HOPX: variants seen among roughly 807,000 people sequenced by gnomAD.
HOPX encodes the protein homeodomain-only protein.
In HOPX, 5 loss-of-function variants were observed where a neutral mutation model predicts 11.8. The observed-to-expected ratio is 0.43, with a 90% CI of 0.22 to 0.89. The LOEUF (loss-of-function observed/expected upper bound fraction) is 0.89. Ranked by LOEUF, HOPX falls within the 40% of genes least tolerant of loss-of-function variation. HOPX has a pLI of 0.28. For missense variants in HOPX, 119 were observed against 120.0 expected (o/e 0.99, Z 0.04); for synonymous variants, 49 against 49.7 (o/e 0.99, Z 0.06).
rs1716838376 is a variant in HOPX, at chr4:56,648,219, G to A, written c.*501C>T. The stretch of plus-strand genomic sequence containing the variant: ...TAATGCAGCTATATTCCAAGGAAGT[G>A]TTTTATGAAATCTGAATACTCAAAC... On this transcript the variant is annotated 3_prime_UTR_variant, in exon 4 of 4. Coordinates refer to ENST00000420433, the MANE Select transcript of HOPX (RefSeq NM_032495.6). 6.6e-6 allele frequency: 1 copy of A among 152,296 alleles called. No homozygotes were observed. Among genetic ancestry groups the A allele is most frequent in the Non-Finnish European group, 1.5e-5 (1 of 68,158 alleles). The allele number at this position is 152,296 out of a possible 1,614,324, so 9.4% of individuals were successfully genotyped here.
intron 1 of HOPX, chr4:56,665,669 G>A (rs1312606916): frequency 1.3e-5 from 2 of 152,278 alleles, no homozygotes; most frequent in South Asian, 2.1e-4. Context: ...GCCAGGTCCT[G>A]TCTAAGTGCC....
At chr4:56,658,459 G>T (rs117183594) in intron 1 of HOPX, among the ~76,000 whole-genome samples, 1 of 152,176 alleles carries the variant, frequency 6.6e-6, no homozygotes, top group Admixed American at 6.6e-5. Context: ...ATTTGAAAGC[G>T]CCTACTTCTC....
At chr4:56,663,451 G>C (rs1210052004) in intron 1 of HOPX, 1 of 152,106 alleles carries the variant, frequency 6.6e-6, no homozygotes, top group African/African-American at 2.4e-5. Context: ...ACGAAGTGCT[G>C]CCTTTTGAAA....
At chr4:56,672,474 G>A (rs959579986) in intron 1 of HOPX, among the ~76,000 whole-genome samples, 1 of 151,842 alleles carries the variant, frequency 6.6e-6, no homozygotes, top group African/African-American at 2.4e-5. Context: ...GAGAAGTGGA[G>A]GTTGCAGTGA....
At chr4:56,679,894 ATTTCAAGC>A (rs903055261) in intron 1 of HOPX, 1 of 152,182 alleles carries the variant, frequency 6.6e-6, no homozygotes, top group Admixed American at 6.5e-5. Flanking sequence ...TGGACTTTAG[ATTTCAAGC>A]TCTTTGAGAA....
At chr4:56,655,043 C>T (rs1052392035) in intron 3 of HOPX, among the ~76,000 whole-genome samples, 1 of 152,078 alleles carries the variant, frequency 6.6e-6, no homozygotes, top group Admixed American at 6.6e-5. Context: ...AACCACAGGC[C>T]GTGTTGCATT....
intron 1 of HOPX, among the ~76,000 whole-genome samples, chr4:56,669,411 C>G (rs775443513): frequency 6.6e-6 from 1 of 152,148 alleles, no homozygotes; most frequent in Non-Finnish European, 1.5e-5. Flanking sequence ...TTAATAATTA[C>G]ACCAGGGGAG....
chr4:56,657,726 C>G, intron 2 of HOPX, 49 bp downstream of exon 2: 1 of 799,394 alleles, frequency 1.3e-6, no homozygotes, highest in Middle Eastern at 2.2e-4. Flanking sequence ...ACCCATTGCC[C>G]GTACCTTTGA....
At chr4:56,659,067 T>C (rs1179493769) in intron 1 of HOPX, 1 of 152,250 alleles carries the variant, frequency 6.6e-6, no homozygotes, top group Non-Finnish European at 1.5e-5. Flanking sequence ...TGGAAATCTT[T>C]GGTTACCTCT....
At chr4:56,652,054 A>T (rs1320707995) in intron 3 of HOPX, among the ~76,000 whole-genome samples, 2 of 152,196 alleles carry the variant, frequency 1.3e-5, no homozygotes, top group Non-Finnish European at 2.9e-5. Flanking sequence ...ATTTAAATCT[A>T]GGAGATATTT....
At chr4:56,664,216 C>T (rs1054465066) in intron 1 of HOPX, 5 of 151,884 alleles carry the variant, frequency 3.3e-5, no homozygotes, top group Admixed American at 1.3e-4. Context: ...CCAAAACTTC[C>T]ACCTCCCAGG....
chr4:56,650,906 G>T lies in HOPX; in HGVS notation c.199-2109C>A, dbSNP rs368710873. 2.4e-6 allele frequency: 3 copies of T among 1,231,362 alleles called. No individual in the cohort carries two copies. The East Asian group carries it at 7.7e-5, about 32-fold the overall frequency. 76.3% of individuals were successfully genotyped at this position (1,231,362 alleles called of 1,614,324 possible). A position where few individuals can be genotyped will look rare whatever the true frequency, so the allele number is the denominator to read the frequency against. ...CCATTTTCTTCTGTAACCTGTGTGC[G>T]TGTGTTTAGTTAACTCTGGATTCTG... On this transcript the variant is annotated intron_variant, in intron 3 of 3. Coordinates refer to ENST00000420433, the MANE Select transcript of HOPX (RefSeq NM_032495.6).
At chr4:56,652,843 G>C (rs1442364803) in intron 3 of HOPX, among the ~76,000 whole-genome samples, 1 of 151,922 alleles carries the variant, frequency 6.6e-6, no homozygotes, top group East Asian at 1.9e-4. Flanking sequence ...AAGAAAGAAA[G>C]AAAGAAAAAG....
At chr4:56,663,363 A>T (rs1008427729) in intron 1 of HOPX, 2 of 152,154 alleles carry the variant, frequency 1.3e-5, no homozygotes, top group Non-Finnish European at 2.9e-5. Flanking sequence ...TATTCCTGCA[A>T]GTTTTGTCGA....
At chr4:56,655,498 G>A (rs1184549512) in intron 3 of HOPX, among the ~76,000 whole-genome samples, 1 of 152,258 alleles carries the variant, frequency 6.6e-6, no homozygotes. Context: ...AGCCGGGAAG[G>A]CGAGACAGGG....
rs1029875351 is a variant in HOPX at position 56,648,579 on chromosome 4, A to G, written c.*141T>C. ...CTAATTATGTACATTTAGAAAAAAA[A>G]TACAACACTGTGTTAAACAGCAGGA... On this transcript the variant is annotated 3_prime_UTR_variant, in exon 4 of 4. Coordinates refer to ENST00000420433, the MANE Select transcript of HOPX (RefSeq NM_032495.6). 1.9e-6 allele frequency: 1 copy of G among 530,172 alleles called. No individual in the cohort carries two copies. The highest frequency in any genetic ancestry group is 3.0e-5 in the Admixed American group (1 of 33,828). 32.8% of individuals were successfully genotyped at this position (530,172 alleles called of 1,614,324 possible). A position where few individuals can be genotyped will look rare whatever the true frequency, so the allele number is the denominator to read the frequency against.
At chr4:56,668,635 T>G (rs781292286) in intron 1 of HOPX, among the ~76,000 whole-genome samples, 7 of 152,202 alleles carry the variant, frequency 4.6e-5, no homozygotes, top group Non-Finnish European at 1.0e-4. Flanking sequence ...TTCCAAGTCA[T>G]TGAAATTGCC....
chr4:56,651,438 C>T (rs961196522), intron 3 of HOPX, among the ~76,000 whole-genome samples: 23 of 152,288 alleles, frequency 1.5e-4, no homozygotes, highest in Admixed American at 3.9e-4. Context: ...TCTTATCAAT[C>T]TCATGCACAT....
At chr4:56,650,548 T>C (rs1208745890) in intron 3 of HOPX, 1 of 874,176 alleles carries the variant, frequency 1.1e-6, no homozygotes, top group Admixed American at 2.5e-5. Flanking sequence ...GGGGTAAGGC[T>C]CTGCAGGACT....
Sources: gnomAD v4.1 joint callset for allele counts (sites outside exome capture counted in the v4.1 genomes callset) on GRCh38, gnomAD v4.1.1 for gene constraint, MANE v1.5 for transcripts, NCBI Gene and HGNC (gene_info 2026-07-23, HGNC 2026-07-21) for gene names.